Variants in ITGA8 observed in about 807,000 individuals in gnomAD.
ITGA8 encodes integrin subunit alpha 8, also known as integrin alpha-8.
A neutral mutation model predicts 142.3 loss-of-function variants in ITGA8; 91 were observed. That is an observed-to-expected ratio of 0.64 (90% CI 0.54 to 0.76). The LOEUF (loss-of-function observed/expected upper bound fraction) is 0.76. Among genes scored for constraint, ITGA8 ranks in the 30% least tolerant of loss-of-function variants. The pLI is 0.00. For missense variants in ITGA8, 1,406 were observed against 1,327.7 expected (o/e 1.06, Z -0.92); for synonymous variants, 505 against 485.2 (o/e 1.04, Z -0.54).
chr10:15,698,628 A>G (rs1835101443), intron 2 of ITGA8, among the ~76,000 whole-genome samples: 1 of 152,134 alleles, frequency 6.6e-6, no homozygotes. Context: ...GTGGTATCAC[A>G]TCGTGGTTTT....
At position 15,623,825 on chromosome 10, in the gene ITGA8, G is replaced by A. The variant is rs139933302; in HGVS notation, c.1400-7266C>T. ...CACTTCCACAACAAGACAGAGAACA[G>A]TCCCATCATGCCCAAATGTCACCCA... is the stretch of plus-strand genomic sequence containing the variant. On this transcript the variant is annotated intron_variant, in intron 13 of 29. Transcript: ENST00000378076. 4.2e-3 allele frequency among the ~76,000 whole-genome samples: 643 copies of A among 152,278 alleles called. 3 individuals carry two copies. Among genetic ancestry groups the A allele is most frequent in the African/African-American group, 0.015 (606 of 41,554 alleles).
rs1835503382 is a variant in ITGA8 at position 15,718,859 on chromosome 10, G to A, written c.250C>T (p.Gln84Ter). Reference sequence around the variant, plus strand: ...GCTCCCCCTTCCACGATATCGGGCTGGCTGGTGTTGGCTTTGGGCGCCCCC... The same window carrying A: ...GCTCCCCCTTCCACGATATCGGGCTAGCTGGTGTTGGCTTTGGGCGCCCCC... ...LVGAPKANTSQPDIVEGGAVY... is the reference protein window; with the variant it reads ...LVGAPKANTS The change falls in exon 2 of 30, where the codon CAG (glutamine) becomes TAG (stop). Residue 84 changes from glutamine to a stop codon, truncating the protein, a stop_gained. Transcript: ENST00000378076. LOFTEE classifies it high-confidence loss of function. 6.2e-7 allele frequency: 1 copy of A among 1,614,048 alleles called. No homozygotes were observed. The highest frequency in any genetic ancestry group is 1.1e-5 in the South Asian group (1 of 91,078).
At chr10:15,579,259 C>T (rs1031677701) in intron 23 of ITGA8, among the ~76,000 whole-genome samples, 3 of 152,092 alleles carry the variant, frequency 2.0e-5, no homozygotes, top group Non-Finnish European at 2.9e-5. Flanking sequence ...GGACATTAAT[C>T]TAGCTATTAA....
chr10:15,541,350 A>T (rs866401799), intron 27 of ITGA8, among the ~76,000 whole-genome samples: 2 of 152,228 alleles, frequency 1.3e-5, no homozygotes, highest in Non-Finnish European at 2.9e-5. Context: ...GCCCTGCATC[A>T]CTTTGGCATC....
intron 10 of ITGA8, 95 bp from the exon 11 acceptor site, chr10:15,655,501 T>C: frequency 1.1e-6 from 1 of 876,294 alleles, no homozygotes; most frequent in Non-Finnish European, 1.9e-6. Context: ...CTCATTGTGG[T>C]ACATTTTTGC....
At chr10:15,565,081 T>C (rs1364423082) in intron 25 of ITGA8, among the ~76,000 whole-genome samples, 1 of 152,234 alleles carries the variant, frequency 6.6e-6, no homozygotes, top group Admixed American at 6.5e-5. Flanking sequence ...TGTGCAAACC[T>C]GAAGACCATC....
chr10:15,644,025 C>A lies in ITGA8; in HGVS notation c.1399+5G>T, dbSNP rs748585746. ...TCTCACGTGGGAAAAGAAAGAAAAC[C>A]TTACCTGGGTAATCATTCTTGTCTA... On this transcript the variant is annotated splice_donor_5th_base_variant and intron_variant, in intron 13 of 29. Coordinates refer to ENST00000378076, the MANE Select transcript of ITGA8 (RefSeq NM_003638.3). 1 of 1,608,606 alleles carries A rather than the reference C, an allele frequency of 6.2e-7. No homozygotes were observed. The highest frequency in any genetic ancestry group is 1.7e-5 in the Admixed American group (1 of 59,508).
At chr10:15,667,804 T>G (rs1389362370) in intron 8 of ITGA8, among the ~76,000 whole-genome samples, 59 of 152,160 alleles carry the variant, frequency 3.9e-4, no homozygotes, top group Non-Finnish European at 7.5e-4. Flanking sequence ...AGCAGGTTGT[T>G]CAGTTTCCAT....
rs1247876310 is a variant in ITGA8, at chr10:15,719,820, A to G, written c.-49T>C. On this transcript the variant is annotated 5_prime_UTR_variant, in exon 1 of 30. Coordinates refer to ENST00000378076, the MANE Select transcript of ITGA8 (RefSeq NM_003638.3). ...TGCTACCCAGGAGCGCGAGCCGAGG[A>G]CCCCTGCGGGGCAAGGGGGGCTGGT... 3.9e-6 allele frequency: 5 copies of G among 1,275,734 alleles called. No homozygotes were observed. The African/African-American group carries it at 6.3e-5, about 16-fold the overall frequency. The allele number at this position is 1,275,734 out of a possible 1,614,324, so 79.0% of individuals were successfully genotyped here. A position where few individuals can be genotyped will look rare whatever the true frequency, so the allele number is the denominator to read the frequency against.
Position 15,574,365 on chromosome 10 carries a change from C to A in ITGA8, c.2478+1124G>T, listed in dbSNP as rs1480210892. Among the ~76,000 whole-genome samples the A allele has an allele frequency of 2.0e-5, 3 of 152,082 alleles. No homozygotes were observed. The East Asian group carries it at 5.8e-4, about 29-fold the overall frequency. ...AAGTAAAATTATTTTTATCTATGTA[C>A]CATCTACCCATCTCATATATTATAT... is the stretch of plus-strand genomic sequence containing the variant. On this transcript the variant is annotated intron_variant, in intron 24 of 29. Coordinates refer to ENST00000378076, the MANE Select transcript of ITGA8 (RefSeq NM_003638.3).
At position 15,661,060 on chromosome 10, in the gene ITGA8, C is replaced by T. The variant is rs369070652; in HGVS notation, c.848-138G>A. The T allele has an allele frequency of 4.1e-6, 3 of 734,774 alleles. No individual in the cohort carries two copies. The South Asian group carries it at 5.0e-5, about 12-fold the overall frequency. 45.5% of individuals were successfully genotyped at this position (734,774 alleles called of 1,614,324 possible). On this transcript the variant is annotated intron_variant, in intron 8 of 29. Transcript: ENST00000378076. ...ATACAGAGCAGGGGTCCCCAAGCCCCAGGCCATCAACCAGCACCTGTCTGT... is the reference window on the plus strand; with the variant it reads ...ATACAGAGCAGGGGTCCCCAAGCCCTAGGCCATCAACCAGCACCTGTCTGT...
At position 15,683,724 on chromosome 10, in the gene ITGA8, C is replaced by T. The variant is rs9333092; in HGVS notation, c.568+280G>A. On this transcript the variant is annotated intron_variant, in intron 4 of 29. Coordinates refer to ENST00000378076, the MANE Select transcript of ITGA8 (RefSeq NM_003638.3). ...GACACGGAACGTGAATTTTGAACAG[C>T]AACTGACACCTTATGGCCTAAAATA... Among the ~76,000 whole-genome samples the T allele has an allele frequency of 0.11, 16,131 of 152,246 alleles. 904 individuals are homozygous for T. The highest frequency in any genetic ancestry group is 0.19 in the East Asian group (997 of 5,180).
chr10:15,579,334 T>C (rs1834360512), intron 23 of ITGA8, among the ~76,000 whole-genome samples: 1 of 152,094 alleles, frequency 6.6e-6, no homozygotes, highest in South Asian at 2.1e-4. Context: ...CAAAAGTGAA[T>C]AGAAATTTCC....
chr10:15,606,385 T>C lies in ITGA8; in HGVS notation c.1802A>G (p.Asn601Ser), dbSNP rs752759451. 1.2e-6 allele frequency: 2 copies of C among 1,606,272 alleles called. No individual in the cohort carries two copies. Among genetic ancestry groups the C allele is most frequent in the Non-Finnish European group, 1.7e-6 (2 of 1,173,782 alleles). ...GTCCAAACTGTAATTCAAACTAATG[T>C]TGATTGGAGATAATTTATCTCGGAA... Reference protein sequence around the residue: ...TEFRDKLSPINISLNYSLDES... With the variant: ...TEFRDKLSPISISLNYSLDES... The change falls in exon 18 of 30, where the codon AAC (asparagine) becomes AGC (serine). Residue 601 changes from asparagine (N) to serine (S), a missense_variant. Asn to Ser is a conservative substitution (Grantham distance 46). Coordinates refer to ENST00000378076, the MANE Select transcript of ITGA8 (RefSeq NM_003638.3).
At chr10:15,645,173 C>A (rs552200236) in intron 12 of ITGA8, among the ~76,000 whole-genome samples, 1 of 149,688 alleles carries the variant, frequency 6.7e-6, no homozygotes, top group African/African-American at 2.5e-5. Context: ...TTGTGTCAGG[C>A]GAAAAGGAAC....
Position 15,517,042 on chromosome 10 carries a change from C to CATTA in ITGA8, c.*115_*116insTAAT. Reference sequence around the variant, plus strand: ...TGAGGTGATGTTTCCAGGGTCCCCTCCATTTCCTGGGTCACTGTCAGGTAT... The same window carrying CATTA: ...TGAGGTGATGTTTCCAGGGTCCCCTCATTACATTTCCTGGGTCACTGTCAGGTAT... On this transcript the variant is annotated 3_prime_UTR_variant, in exon 30 of 30. Coordinates refer to ENST00000378076, the MANE Select transcript of ITGA8 (RefSeq NM_003638.3). 7.1e-6 allele frequency: 4 copies of CATTA among 564,224 alleles called. No homozygotes were observed. The highest frequency in any genetic ancestry group is 3.3e-5 in the South Asian group (1 of 30,554). The allele number at this position is 564,224 out of a possible 1,614,324, so 35.0% of individuals were successfully genotyped here.
intron 2 of ITGA8, among the ~76,000 whole-genome samples, chr10:15,691,662 G>T (rs1308105905): frequency 6.6e-6 from 1 of 152,150 alleles, no homozygotes; most frequent in Non-Finnish European, 1.5e-5. Flanking sequence ...CAGGCTCATA[G>T]AAGCAAACAG....
intron 25 of ITGA8, 115 bp from the exon 26 acceptor site, chr10:15,558,317 G>A (rs1320604310): frequency 8.2e-7 from 1 of 1,220,496 alleles, no homozygotes; most frequent in East Asian, 2.5e-5. Flanking sequence ...ATTCACATGA[G>A]GATCCAGACC....
intron 2 of ITGA8, among the ~76,000 whole-genome samples, chr10:15,712,614 TAAAATAA>T (rs1320000743): frequency 3.3e-5 from 5 of 151,710 alleles, no homozygotes; most frequent in Non-Finnish European, 7.4e-5. Flanking sequence ...AAAATAAAAA[TAAAATAA>T]AAAATAAAAA....
Sources: allele counts gnomAD v4.1 joint callset (sites outside exome capture counted in the v4.1 genomes callset), GRCh38; gene constraint gnomAD v4.1.1; transcripts MANE v1.5; gene names NCBI Gene and HGNC (gene_info 2026-07-23, HGNC 2026-07-21).